Variants in MAGI3 observed in about 807,000 individuals in gnomAD.
MAGI3 encodes the protein membrane associated guanylate kinase, WW and PDZ domain containing 3.
A neutral mutation model predicts 121.8 loss-of-function variants in MAGI3; 43 were observed. The ratio of observed to expected loss-of-function variants is 0.35; its 90% CI spans 0.28 to 0.46. The LOEUF is 0.46. MAGI3 is among the 20% of genes least tolerant of loss of function. The probability of loss-of-function intolerance (pLI) is 1.00; values close to 1 mark genes in which losing one functional copy is unlikely to be tolerated. For synonymous variants in MAGI3, 553 were observed against 639.3 expected (o/e 0.86, Z 2.04); for missense variants, 1,547 against 1,797.3 (o/e 0.86, Z 2.52).
intron 1 of MAGI3, among the ~76,000 whole-genome samples, chr1:113,462,094 C>T (rs928197293): frequency 7.2e-5 from 11 of 152,110 alleles, no homozygotes; most frequent in African/African-American, 2.4e-4. Context: ...GAAAAGGAAA[C>T]ACTTATACAC....
Position 113,642,113 on chromosome 1 carries a change from G to C in MAGI3, c.1563G>C (p.Lys521Asn), listed in dbSNP as rs934936154. Reference sequence around the variant, plus strand: ...TCATCAATGGACAGTCATTAACCAAGGGAGAGACTTGCATGAATCCTCAGG... The same window carrying C: ...TCATCAATGGACAGTCATTAACCAACGGAGAGACTTGCATGAATCCTCAGG... ...TPVINGQSLT[K>N]GETCMNPQDF... is the part of the protein sequence containing the mutation. Residue 521 changes from lysine to asparagine, a missense_variant, in exon 10 of 21, where the codon AAG (lysine) becomes AAC (asparagine). Transcript: ENST00000307546. 2 of 1,614,172 alleles carry C rather than the reference G, an allele frequency of 1.2e-6. No individual in the cohort carries two copies. The highest frequency in any genetic ancestry group is 3.3e-5 in the Admixed American group (2 of 60,018).
intron 2 of MAGI3, among the ~76,000 whole-genome samples, chr1:113,575,751 G>A (rs1051760485): frequency 1.3e-5 from 2 of 152,202 alleles, no homozygotes; most frequent in Admixed American, 6.5e-5. Flanking sequence ...CTTCAGAGTC[G>A]GCAGGCAGGA....
At chr1:113,626,623 T>G (rs1406432218) in intron 9 of MAGI3, among the ~76,000 whole-genome samples, 1 of 152,196 alleles carries the variant, frequency 6.6e-6, no homozygotes, top group Non-Finnish European at 1.5e-5. Context: ...GGCTTCAATC[T>G]TGTTGCTTGT....
chr1:113,682,174 T>TTTC, intron 20 of MAGI3: 1 of 1,572,892 alleles, frequency 6.4e-7, no homozygotes, highest in African/African-American at 1.4e-5. Context: ...TTTTTTTTTT[T>TTTC]TTCACATAGT....
intron 6 of MAGI3, among the ~76,000 whole-genome samples, chr1:113,598,167 G>T (rs1019162066): frequency 6.6e-6 from 1 of 151,918 alleles, no homozygotes; most frequent in Non-Finnish European, 1.5e-5. Context: ...AGCCAAGATT[G>T]CACCACTGTA....
At chr1:113,530,163 T>C (rs2101638718) in intron 1 of MAGI3, among the ~76,000 whole-genome samples, 1 of 152,282 alleles carries the variant, frequency 6.6e-6, no homozygotes, top group East Asian at 1.9e-4. Flanking sequence ...TCCTCACATT[T>C]TATTTTTGAG....
intron 1 of MAGI3, among the ~76,000 whole-genome samples, chr1:113,480,229 C>G (rs1183214820): frequency 4.6e-5 from 7 of 152,178 alleles, no homozygotes; most frequent in Admixed American, 2.0e-4. Flanking sequence ...CTCTTCCAGT[C>G]TTTACTGACT....
At chr1:113,608,832 T>C (rs377551612) in intron 6 of MAGI3, among the ~76,000 whole-genome samples, 2 of 152,222 alleles carry the variant, frequency 1.3e-5, no homozygotes, top group East Asian at 1.9e-4. Flanking sequence ...GCTGAACATA[T>C]GTCTTGGTTG....
chr1:113,485,963 C>CA (rs1656360613), intron 1 of MAGI3, among the ~76,000 whole-genome samples: 2 of 152,122 alleles, frequency 1.3e-5, no homozygotes, highest in African/African-American at 4.8e-5. Flanking sequence ...TGTCAAAGAT[C>CA]AGTTGGCTTT....
At chr1:113,524,056 A>G (rs1460807856) in intron 1 of MAGI3, among the ~76,000 whole-genome samples, 2 of 152,192 alleles carry the variant, frequency 1.3e-5, no homozygotes, top group African/African-American at 4.8e-5. Flanking sequence ...CAGAGGTTGC[A>G]GGCCCTAAGC....
chr1:113,613,554 A>G (rs1650285182), intron 6 of MAGI3, among the ~76,000 whole-genome samples: 1 of 152,220 alleles, frequency 6.6e-6, no homozygotes, highest in Non-Finnish European at 1.5e-5. Context: ...TATAAAACTA[A>G]TAAGTCTTGT....
Position 113,544,766 on chromosome 1 carries a change from T to G in MAGI3, c.317-4749T>G, listed in dbSNP as rs550737487. 2.0e-3 allele frequency among the ~76,000 whole-genome samples: 311 copies of G among 152,350 alleles called. 2 individuals carry two copies. Among genetic ancestry groups the G allele is most frequent in the Non-Finnish European group, 4.0e-3 (270 of 68,026 alleles). On this transcript the variant is annotated intron_variant, in intron 1 of 20. Coordinates refer to ENST00000307546, the MANE Select transcript of MAGI3 (RefSeq NM_001142782.2). The stretch of plus-strand genomic sequence containing the variant: ...AAGAGGGAAGAGATAGCTCACTGTC[T>G]GAAGAAGATATTCTTAATGTCTGTT...
In MAGI3 at chr1:113,659,146, T is replaced by C; in HGVS notation, c.2696T>C (p.Val899Ala). Residue 899 changes from valine to alanine, a missense_variant, in exon 16 of 21, where the codon GTT (valine) becomes GCT (alanine). Coordinates refer to ENST00000307546, the MANE Select transcript of MAGI3 (RefSeq NM_001142782.2). ...GCTGACCGCTGTGGAAAACTGAAAGTTGGAGATCATATCTCTGCAGTGAAT... is the reference window on the plus strand; with the variant it reads ...GCTGACCGCTGTGGAAAACTGAAAGCTGGAGATCATATCTCTGCAGTGAAT... ...SPADRCGKLK[V>A]GDHISAVNGQ... The C allele has an allele frequency of 6.2e-7, 1 of 1,614,022 alleles. No homozygotes were observed. Among genetic ancestry groups the C allele is most frequent in the Non-Finnish European group, 8.5e-7 (1 of 1,179,946 alleles).
intron 1 of MAGI3, among the ~76,000 whole-genome samples, chr1:113,527,900 A>G (rs1474754329): frequency 6.6e-6 from 1 of 152,180 alleles, no homozygotes; most frequent in African/African-American, 2.4e-5. Context: ...CATACAGAAA[A>G]TTAGAAAGAA....
intron 1 of MAGI3, among the ~76,000 whole-genome samples, chr1:113,474,365 T>C (rs1226415961): frequency 4.6e-5 from 7 of 152,234 alleles, no homozygotes; most frequent in Non-Finnish European, 2.9e-5. Context: ...TGGTATTGCC[T>C]AGGTTTTCTT....
At chr1:113,526,354 T>C (rs1160548263) in intron 1 of MAGI3, among the ~76,000 whole-genome samples, 1 of 152,162 alleles carries the variant, frequency 6.6e-6, no homozygotes, top group African/African-American at 2.4e-5. Context: ...AGATATAGTA[T>C]CTGTGTATAG....
intron 9 of MAGI3, among the ~76,000 whole-genome samples, chr1:113,630,959 A>G (rs1651591254): frequency 6.6e-6 from 1 of 152,156 alleles, no homozygotes; most frequent in Non-Finnish European, 1.5e-5. Flanking sequence ...AGAGCACTCC[A>G]GCCCCCAGTG....
At chr1:113,618,587 C>A in intron 7 of MAGI3, 1 of 428,642 alleles carries the variant, frequency 2.3e-6, no homozygotes, top group Non-Finnish European at 4.6e-6. Flanking sequence ...CTCACTGCAA[C>A]CTCCGCCTCC....
intron 8 of MAGI3, among the ~76,000 whole-genome samples, chr1:113,621,909 A>C (rs1650842538): frequency 6.6e-6 from 1 of 152,108 alleles, no homozygotes; most frequent in Non-Finnish European, 1.5e-5. Context: ...ACATCTATAC[A>C]TGGATAGTAG....
Sources: gnomAD v4.1 joint callset for allele counts (sites outside exome capture counted in the v4.1 genomes callset) on GRCh38, gnomAD v4.1.1 for gene constraint, MANE v1.5 for transcripts, NCBI Gene and HGNC (gene_info 2026-07-23, HGNC 2026-07-21) for gene names.